ZNF208: variants seen among roughly 807,000 people sequenced by gnomAD.
The protein encoded by ZNF208 is zinc finger protein 95.
In ZNF208, 10 loss-of-function variants were observed where a neutral mutation model predicts 12.1. That is an observed-to-expected ratio of 0.83 (90% CI 0.51 to 1.40). ZNF208 has a LOEUF of 1.40. Among genes scored for constraint, ZNF208 ranks in the 40% most tolerant of loss-of-function variants. The pLI is 0.00. For synonymous variants in ZNF208, 497 were observed against 488.4 expected (o/e 1.02, Z -0.23); for missense variants, 1,652 against 1,485.0 (o/e 1.11, Z -1.85).
chr19:21,987,619 T>C (rs1186477183), intron 2 of ZNF208, among the ~76,000 whole-genome samples: 2 of 152,148 alleles, frequency 1.3e-5, no homozygotes, highest in African/African-American at 4.8e-5. Flanking sequence ...AGGAGAAAGA[T>C]ACTCCTTTGA....
In ZNF208 at chr19:21,985,670, G is replaced by C. The variant is rs962647087; in HGVS notation, c.226+1546C>G. ...GAGGTCTTTGTCTTCCAGAAGCCTG[G>C]AGAGAGATACCCATTTAGAGCCATG... On this transcript the variant is annotated intron_variant, in intron 3 of 3. Coordinates refer to ENST00000397126, the MANE Select transcript of ZNF208 (RefSeq NM_007153.3). 1.4e-4 allele frequency among the ~76,000 whole-genome samples: 22 copies of C among 152,200 alleles called. 1 individual carries two copies. The highest frequency in any genetic ancestry group is 1.3e-3 in the Admixed American group (20 of 15,280).
intron 1 of ZNF208, among the ~76,000 whole-genome samples, chr19:22,005,011 G>A (rs1284893236): frequency 6.6e-6 from 1 of 152,214 alleles, no homozygotes; most frequent in East Asian, 1.9e-4. Context: ...AGGTGGGGCT[G>A]TACTCTGATT....
intron 4 of ZNF208, among the ~76,000 whole-genome samples, chr19:21,949,079 C>T (rs1436838796): frequency 6.6e-6 from 1 of 152,100 alleles, no homozygotes; most frequent in Non-Finnish European, 1.5e-5. Context: ...TTTGAAAAGG[C>T]TGAGAAAAAC....
Position 21,972,566 on chromosome 19 carries a change from T to G in ZNF208, c.2468A>C (p.His823Pro). The G allele has an allele frequency of 6.2e-7, 1 of 1,613,618 alleles. No individual in the cohort carries two copies. The highest frequency in any genetic ancestry group is 8.5e-7 in the Non-Finnish European group (1 of 1,179,892). ...TFSKVSTLTT[H>P]KAIHAGEKPY... ...CTTTTCTCCAGCATGAATTGCCTTA[T>G]GTGTAGTAAGGGTTGAGACCTTACT... The change falls in exon 4 of 4, where the codon CAT becomes CCT. Residue 823 changes from histidine (H) to proline (P), a missense_variant. This residue lies in a region of ZNF208 where 1,239 missense variants were observed against 1,086.2 expected (regional missense o/e 1.14). Transcript: ENST00000397126.
intron 4 of ZNF208, chr19:21,941,480 T>C: frequency 2.5e-6 from 1 of 398,586 alleles, no homozygotes; most frequent in East Asian, 3.6e-5. Context: ...CTGCACCATT[T>C]CCTGTTTATT....
intron 4 of ZNF208, among the ~76,000 whole-genome samples, chr19:21,955,130 C>G (rs1184670638): frequency 1.3e-5 from 2 of 152,090 alleles, no homozygotes; most frequent in Admixed American, 6.6e-5. Flanking sequence ...GGTTGAAAAC[C>G]CTTTTCTTTA....
intron 3 of ZNF208, among the ~76,000 whole-genome samples, chr19:21,985,333 A>G (rs1970614825): frequency 6.6e-6 from 1 of 152,210 alleles, no homozygotes; most frequent in Admixed American, 6.5e-5. Context: ...TGACAGCAAC[A>G]TGGTACAGTA....
chr19:21,959,797 T>C (rs1238273892), intron 4 of ZNF208, among the ~76,000 whole-genome samples: 1 of 152,140 alleles, frequency 6.6e-6, no homozygotes, highest in Non-Finnish European at 1.5e-5. Flanking sequence ...TATAGCAATA[T>C]AGAAAAATAT....
chr19:21,962,773 T>C (rs1180367218), downstream of ZNF208, among the ~76,000 whole-genome samples: 2 of 152,080 alleles, frequency 1.3e-5, no homozygotes, highest in Non-Finnish European at 2.9e-5. Flanking sequence ...TTAAGCAAAA[T>C]AAGCAGATGC....
intron 4 of ZNF208, among the ~76,000 whole-genome samples, chr19:21,955,181 G>GGA (rs1841896176): frequency 2.6e-5 from 4 of 151,562 alleles, no homozygotes; most frequent in Admixed American, 6.6e-5. Context: ...CTGGCTTGTA[G>GGA]TTTCTGCTGA....
At chr19:22,008,852 T>C (rs1971095119) in intron 1 of ZNF208, among the ~76,000 whole-genome samples, 1 of 152,140 alleles carries the variant, frequency 6.6e-6, no homozygotes, top group Admixed American at 6.6e-5. Flanking sequence ...TATCTCATGT[T>C]GTGTTATGGG....
chr19:21,947,787 GC>G (rs1361442019), intron 4 of ZNF208, among the ~76,000 whole-genome samples: 25 of 152,174 alleles, frequency 1.6e-4, no homozygotes, highest in African/African-American at 6.0e-4. Flanking sequence ...AGCAGGGGAA[GC>G]CAAAAATGGT....
Position 21,971,927 on chromosome 19 carries a change from T to C in ZNF208, c.3107A>G (p.Lys1036Arg), listed in dbSNP as rs371388100. 2.6e-6 allele frequency: 4 copies of C among 1,524,046 alleles called. No individual in the cohort carries two copies. The African/African-American group carries it at 5.6e-5, about 21-fold the overall frequency. 94.4% of individuals were successfully genotyped at this position (1,524,046 alleles called of 1,614,324 possible). A position where few individuals can be genotyped will look rare whatever the true frequency, so the allele number is the denominator to read the frequency against. Residue 1036 changes from lysine (K) to arginine (R), a missense_variant, in exon 4 of 4, where the codon AAA becomes AGA. By Grantham distance (26) the Lys-to-Arg change is conservative. Around this residue, in one of 3 missense-constraint regions of ZNF208, gnomAD observed 1,239 missense variants for 1,086.2 expected, o/e 1.14. Transcript: ENST00000397126. ...ETPYKCEECD[K>R]AFSWPSSLTE... ...AAGGCTTGAGGGCCAGCTGAAGGCT[T>C]TGTCACATTCTTCACATTTGTAGGG...
chr19:21,951,254 C>T (rs1282086317), intron 4 of ZNF208, among the ~76,000 whole-genome samples: 2 of 152,184 alleles, frequency 1.3e-5, no homozygotes, highest in East Asian at 1.9e-4. Context: ...ACTTTATCTG[C>T]TCCTAGCACA....
At chr19:21,957,260 G>C (rs981942924) in intron 4 of ZNF208, among the ~76,000 whole-genome samples, 5 of 152,086 alleles carry the variant, frequency 3.3e-5, no homozygotes, top group East Asian at 1.9e-4. Context: ...GGATGATCTT[G>C]AACTCTTGAC....
rs768075399 is a variant in ZNF208 at position 21,971,862 on chromosome 19, T to C, written c.3172A>G (p.Lys1058Glu). 4 of 1,613,540 alleles carry C rather than the reference T, an allele frequency of 2.5e-6. No individual in the cohort carries two copies. The Admixed American group carries it at 6.7e-5, about 27-fold the overall frequency. Reference protein sequence around the residue: ...KATHAGEKPYKCEECGKAFSW... With the variant: ...KATHAGEKPYECEECGKAFSW... Reference sequence around the variant, plus strand: ...AAGGCTTTGCCACATTCTTCACATTTGTAGGGTTTTTCTCCAGCATGAGTT... The same window carrying C: ...AAGGCTTTGCCACATTCTTCACATTCGTAGGGTTTTTCTCCAGCATGAGTT... Residue 1058 changes from lysine (K) to glutamate (E), a missense_variant, in exon 4 of 4, where the codon AAA becomes GAA. This residue lies in a region of ZNF208 where 1,239 missense variants were observed against 1,086.2 expected (regional missense o/e 1.14). Transcript: ENST00000397126.
chr19:21,962,813 G>A (rs1010262309), downstream of ZNF208, among the ~76,000 whole-genome samples: 18 of 152,150 alleles, frequency 1.2e-4, no homozygotes, highest in Admixed American at 1.0e-3. Flanking sequence ...TGGTAGAATC[G>A]ATTTGTTGAT....
Position 21,972,030 on chromosome 19 carries a change from T to C in ZNF208, c.3004A>G (p.Lys1002Glu). ...AAAGCTTTGCCACATTCTTCACATT[T>C]GTAGGGTTTCTCTCCAGTATGAATT... ...KVIHTGEKPY[K>E]CEECGKAFNW... The change falls in exon 4 of 4, where the codon AAA becomes GAA. Residue 1002 changes from lysine to glutamate, a missense_variant. Coordinates refer to ENST00000397126, the MANE Select transcript of ZNF208 (RefSeq NM_007153.3). The C allele has an allele frequency of 6.2e-7, 1 of 1,613,894 alleles. No individual in the cohort carries two copies. Among genetic ancestry groups the C allele is most frequent in the Non-Finnish European group, 8.5e-7 (1 of 1,179,930 alleles).
intron 2 of ZNF208, 61 bp from the exon 3 acceptor site, chr19:21,987,372 A>G: frequency 8.7e-6 from 13 of 1,501,800 alleles, no homozygotes; most frequent in Non-Finnish European, 1.2e-5. Context: ...CCAACTCAGT[A>G]ATGTGCTCAG....
Sources: allele counts gnomAD v4.1 joint callset (sites outside exome capture counted in the v4.1 genomes callset), GRCh38; gene constraint gnomAD v4.1.1; regional missense constraint gnomAD v4.1.1; transcripts MANE v1.5; gene names NCBI Gene and HGNC (gene_info 2026-07-23, HGNC 2026-07-21).